Variants in SMOC2 observed in about 807,000 individuals in gnomAD.
SMOC2 encodes SPARC related modular calcium binding 2, also known as SPARC-related modular calcium-binding protein 2.
SMOC2 carries 39 observed loss-of-function variants against 61.4 expected under a neutral mutation model. The observed-to-expected ratio is 0.64, with a 90% CI of 0.49 to 0.83. SMOC2 has a LOEUF of 0.83. Ranked by LOEUF, SMOC2 falls within the 40% of genes least tolerant of loss-of-function variation. The pLI, the probability that SMOC2 is intolerant of heterozygous loss-of-function variation, is 0.00. For synonymous variants in SMOC2, 247 were observed against 239.9 expected (o/e 1.03, Z -0.27); for missense variants, 556 against 592.9 (o/e 0.94, Z 0.65).
chr6:168,624,571 AACAC>A (rs1352753051), intron 9 of SMOC2, among the ~76,000 whole-genome samples: 7 of 134,148 alleles, frequency 5.2e-5, no homozygotes, highest in African/African-American at 8.4e-5. Flanking sequence ...GACATACAGA[AACAC>A]ACACACAGAT....
chr6:168,510,786 G>T (rs1247433132), intron 2 of SMOC2, among the ~76,000 whole-genome samples: 2 of 152,180 alleles, frequency 1.3e-5, no homozygotes, highest in Admixed American at 1.3e-4. Flanking sequence ...TGCTTACCCA[G>T]GTGTGGAATA....
intron 9 of SMOC2, among the ~76,000 whole-genome samples, chr6:168,624,417 G>A (rs559428543): frequency 7.9e-5 from 12 of 152,346 alleles, no homozygotes; most frequent in African/African-American, 2.9e-4. Flanking sequence ...GCAGGCTTAT[G>A]TGGAGTACCT....
At chr6:168,549,251 TAG>T (rs774121533) in intron 7 of SMOC2, 48 bp downstream of exon 7, 1 of 1,562,650 alleles carries the variant, frequency 6.4e-7, no homozygotes, top group South Asian at 1.1e-5. Flanking sequence ...TTAATAGATC[TAG>T]AAAATGATGG....
At chr6:168,583,285 G>A (rs113087347) in intron 7 of SMOC2, among the ~76,000 whole-genome samples, 1,730 of 151,568 alleles carry the variant, frequency 0.011, 28 homozygotes, top group African/African-American at 0.039. Context: ...CCTGGCTCCA[G>A]TGGGCTCGGC....
At chr6:168,650,867 G>A (rs1028901461) in intron 10 of SMOC2, 84 bp downstream of exon 10, 1 of 1,261,642 alleles carries the variant, frequency 7.9e-7, no homozygotes, top group Non-Finnish European at 1.1e-6. Context: ...TTACATATTG[G>A]CAACCTTCTC....
At chr6:168,478,118 G>A (rs1782131777) in intron 1 of SMOC2, among the ~76,000 whole-genome samples, 1 of 152,140 alleles carries the variant, frequency 6.6e-6, no homozygotes, top group Non-Finnish European at 1.5e-5. Flanking sequence ...ATTTCATCTT[G>A]ACACCTTAAA....
At chr6:168,537,138 C>T (rs919025781) in intron 4 of SMOC2, among the ~76,000 whole-genome samples, 2 of 152,270 alleles carry the variant, frequency 1.3e-5, no homozygotes, top group African/African-American at 2.4e-5. Context: ...AGCTGTAAGC[C>T]GGTCCTATCT....
intron 2 of SMOC2, among the ~76,000 whole-genome samples, chr6:168,510,920 A>G (rs967832888): frequency 2.0e-5 from 3 of 152,224 alleles, no homozygotes; most frequent in Admixed American, 6.5e-5. Flanking sequence ...TACTGACATT[A>G]TGAAGACATT....
At chr6:168,538,915 C>T (rs965343420) in intron 4 of SMOC2, among the ~76,000 whole-genome samples, 2 of 152,054 alleles carry the variant, frequency 1.3e-5, no homozygotes, top group African/African-American at 2.4e-5. Context: ...ACCACATCCC[C>T]GGAGTCCTCA....
intron 11 of SMOC2, among the ~76,000 whole-genome samples, chr6:168,658,240 T>C (rs2115283443): frequency 6.6e-6 from 1 of 152,302 alleles, no homozygotes; most frequent in African/African-American, 2.4e-5. Flanking sequence ...CATTCTGCTG[T>C]TGCCCCATCT....
chr6:168,606,282 A>C (rs888678224), intron 8 of SMOC2, among the ~76,000 whole-genome samples: 1 of 152,174 alleles, frequency 6.6e-6, no homozygotes, highest in African/African-American at 2.4e-5. Flanking sequence ...CCACATTTTC[A>C]AAGAATATGA....
chr6:168,523,534 C>T (rs1379527871), intron 2 of SMOC2, among the ~76,000 whole-genome samples: 1 of 147,386 alleles, frequency 6.8e-6, no homozygotes, highest in Non-Finnish European at 1.5e-5. Flanking sequence ...AACACAGGCG[C>T]CTGCCACCAT....
intron 4 of SMOC2, among the ~76,000 whole-genome samples, chr6:168,536,571 G>T (rs1181330651): frequency 1.3e-5 from 2 of 152,084 alleles, no homozygotes; most frequent in Non-Finnish European, 2.9e-5. Context: ...TTATCTTGAG[G>T]ATTATTTGAC....
intron 1 of SMOC2, among the ~76,000 whole-genome samples, chr6:168,468,039 T>G (rs1312673230): frequency 6.6e-6 from 1 of 152,174 alleles, no homozygotes; most frequent in Non-Finnish European, 1.5e-5. Context: ...TAAAAAATAG[T>G]GGATGCATTT....
chr6:168,461,917 C>T (rs1419016617), intron 1 of SMOC2, among the ~76,000 whole-genome samples: 3 of 152,242 alleles, frequency 2.0e-5, no homozygotes, highest in Non-Finnish European at 2.9e-5. Context: ...CATCACTAGG[C>T]TCACGTGGCA....
At chr6:168,642,777 C>A (rs1786925221) in intron 9 of SMOC2, among the ~76,000 whole-genome samples, 1 of 152,184 alleles carries the variant, frequency 6.6e-6, no homozygotes, top group Admixed American at 6.5e-5. Flanking sequence ...CCTGAAGAAA[C>A]TTTCCTAACA....
chr6:168,516,930 G>C (rs1026973538), intron 2 of SMOC2, among the ~76,000 whole-genome samples: 5 of 152,146 alleles, frequency 3.3e-5, no homozygotes, highest in African/African-American at 1.2e-4. Context: ...TTCCAGCCTG[G>C]CGACAACACT....
intron 1 of SMOC2, among the ~76,000 whole-genome samples, chr6:168,469,713 A>G (rs1781928710): frequency 6.6e-6 from 1 of 152,086 alleles, no homozygotes; most frequent in Non-Finnish European, 1.5e-5. Context: ...GTCGGAGCCG[A>G]TGACTTTTGC....
chr6:168,464,261 C>T (rs1279190685), intron 1 of SMOC2, among the ~76,000 whole-genome samples: 1 of 148,066 alleles, frequency 6.8e-6, no homozygotes, highest in Non-Finnish European at 1.5e-5. Context: ...GAAGGAAGGA[C>T]GGACGGAAGG....
Sources: allele counts gnomAD v4.1 joint callset (sites outside exome capture counted in the v4.1 genomes callset), GRCh38; gene constraint gnomAD v4.1.1; transcripts MANE v1.5; gene names NCBI Gene and HGNC (gene_info 2026-07-23, HGNC 2026-07-21).